Variants in KIAA1549 observed in about 807,000 individuals in gnomAD.
KIAA1549 encodes the protein KIAA1549.
Under a neutral mutation model 156.4 loss-of-function variants are expected in KIAA1549, and 70 were observed. The ratio of observed to expected loss-of-function variants is 0.45; its 90% CI spans 0.37 to 0.55. The LOEUF (loss-of-function observed/expected upper bound fraction) is 0.55, where lower values mean the gene tolerates loss of function less well. Ranked by LOEUF, KIAA1549 falls within the 20% of genes least tolerant of loss-of-function variation. KIAA1549 has a pLI of 0.00. For synonymous variants in KIAA1549, 1,103 were observed against 1,066.4 expected, an observed-to-expected ratio of 1.03 and a Z score of -0.67; for missense variants, 2,428 against 2,540.9, an observed-to-expected ratio of 0.96 and a Z score of 0.96.
chr7:138,928,789 C>G (rs1043735421), intron 1 of KIAA1549, among the ~76,000 whole-genome samples: 1 of 152,174 alleles, frequency 6.6e-6, no homozygotes, highest in African/African-American at 2.4e-5. Context: ...TCTCCTAATG[C>G]TATCCCTCTA....
At chr7:138,870,923 T>C (rs1810910980) in intron 13 of KIAA1549, among the ~76,000 whole-genome samples, 2 of 152,140 alleles carry the variant, frequency 1.3e-5, no homozygotes, top group Admixed American at 1.3e-4. Flanking sequence ...GTTCAAGTGA[T>C]TCTCCTGCCT....
chr7:138,854,938 C>A (rs1195573753), intron 16 of KIAA1549, among the ~76,000 whole-genome samples: 1 of 152,122 alleles, frequency 6.6e-6, no homozygotes, highest in African/African-American at 2.4e-5. Context: ...AGGAAAGGAG[C>A]AGAATCACGC....
At chr7:138,867,828 G>T in intron 15 of KIAA1549, 147 bp downstream of exon 15, 1 of 842,778 alleles carries the variant, frequency 1.2e-6, no homozygotes, top group Non-Finnish European at 1.8e-6. Context: ...TCATGACCTA[G>T]AGGGCCCTGG....
chr7:138,930,767 T>C (rs934183574), intron 1 of KIAA1549, among the ~76,000 whole-genome samples: 1 of 152,246 alleles, frequency 6.6e-6, no homozygotes, highest in Non-Finnish European at 1.5e-5. Flanking sequence ...AACAAGGCTG[T>C]TTTGCTTTCT....
chr7:138,932,965 G>A (rs1057068623), intron 1 of KIAA1549, among the ~76,000 whole-genome samples: 1 of 152,214 alleles, frequency 6.6e-6, no homozygotes, highest in Non-Finnish European at 1.5e-5. Flanking sequence ...GGAGACATGG[G>A]AAAACCAGGA....
At chr7:138,888,124 A>G (rs1489028301) in intron 10 of KIAA1549, among the ~76,000 whole-genome samples, 1 of 152,202 alleles carries the variant, frequency 6.6e-6, no homozygotes, top group Non-Finnish European at 1.5e-5. Context: ...GCCACAATGC[A>G]TATGCTTTCC....
In KIAA1549 at chr7:138,918,801, C is replaced by G; in HGVS notation, c.825G>C (p.Glu275Asp). 1 of 1,613,968 alleles carries G rather than the reference C, an allele frequency of 6.2e-7. No individual in the cohort carries two copies. Among genetic ancestry groups the G allele is most frequent in the Non-Finnish European group, 8.5e-7 (1 of 1,179,894 alleles). ...TLPEIVASLTEGVETTLFLSS... is the reference protein window; with the variant it reads ...TLPEIVASLTDGVETTLFLSS... ...TTAAAAAAAGGGTGGTTTCCACACC[C>G]TCTGTTAGGGAAGCCACAATCTCTG... The change falls in exon 2 of 20, where the codon GAG becomes GAC. Residue 275 changes from glutamate to aspartate, a missense_variant. Glu to Asp is a conservative substitution (Grantham distance 45). Around this residue, in one of 5 missense-constraint regions of KIAA1549, gnomAD observed 893 missense variants for 847.9 expected, o/e 1.05. Transcript: ENST00000422774. The surrounding 1 kb of genome is among the most constrained non-coding windows in gnomAD (Gnocchi z 4.2).
intron 16 of KIAA1549, among the ~76,000 whole-genome samples, chr7:138,853,621 C>T (rs574077823): frequency 2.6e-5 from 4 of 152,270 alleles, no homozygotes; most frequent in South Asian, 4.1e-4. Context: ...AAATATGAAA[C>T]CGTGGTCAGA....
Position 138,837,123 on chromosome 7 carries a change from T to C in KIAA1549, c.*783A>G. On this transcript the variant is annotated 3_prime_UTR_variant, in exon 20 of 20. Transcript: ENST00000422774. ...CAATGAAGAATGTAGATCTAAACTT[T>C]GATCTGTATTTTGGATAATCAAATA... is the stretch of plus-strand genomic sequence containing the variant. The C allele has an allele frequency of 4.4e-6, 1 of 227,450 alleles. No homozygotes were observed. 14.1% of individuals were successfully genotyped at this position (227,450 alleles called of 1,614,324 possible). A position where few individuals can be genotyped will look rare whatever the true frequency, so the allele number is the denominator to read the frequency against.
chr7:138,932,768 C>T (rs1057470622), intron 1 of KIAA1549, among the ~76,000 whole-genome samples: 1 of 152,124 alleles, frequency 6.6e-6, no homozygotes, highest in Non-Finnish European at 1.5e-5. Flanking sequence ...GCATCTCAGG[C>T]CCACTCAAGA....
chr7:138,872,661 T>C (rs559315771), intron 12 of KIAA1549, among the ~76,000 whole-genome samples: 37 of 152,310 alleles, frequency 2.4e-4, no homozygotes, highest in African/African-American at 8.4e-4. Context: ...TCCCAGCACT[T>C]TGAGAGGCTG....
chr7:138,834,659 G>A lies in KIAA1549; in HGVS notation c.*3247C>T, dbSNP rs953240072. 2 of 232,318 alleles carry A rather than the reference G, an allele frequency of 8.6e-6. No homozygotes were observed. The highest frequency in any genetic ancestry group is 4.4e-5 in the African/African-American group (2 of 45,280). The allele number at this position is 232,318 out of a possible 1,614,324, so 14.4% of individuals were successfully genotyped here. A position where few individuals can be genotyped will look rare whatever the true frequency, so the allele number is the denominator to read the frequency against. ...AATTGGTGAAGGAAGTGAAATTAAAGCAAAATGGGAGTGAGGAAACTGAGT... is the reference window on the plus strand; with the variant it reads ...AATTGGTGAAGGAAGTGAAATTAAAACAAAATGGGAGTGAGGAAACTGAGT... On this transcript the variant is annotated 3_prime_UTR_variant, in exon 20 of 20. Coordinates refer to ENST00000422774, the MANE Select transcript of KIAA1549 (RefSeq NM_001164665.2).
intron 12 of KIAA1549, among the ~76,000 whole-genome samples, chr7:138,872,051 C>T (rs56727516): frequency 0.021 from 3,257 of 152,194 alleles, 104 homozygotes; most frequent in African/African-American, 0.072. Context: ...AGTGATTCTC[C>T]TGCCTCAGCC....
chr7:138,898,118 C>A (rs1811740099), intron 9 of KIAA1549, among the ~76,000 whole-genome samples: 1 of 151,256 alleles, frequency 6.6e-6, no homozygotes, highest in Admixed American at 6.6e-5. Flanking sequence ...ACCATCCGGG[C>A]CAACATGGTG....
intron 10 of KIAA1549, among the ~76,000 whole-genome samples, chr7:138,888,982 T>C (rs4728455): frequency 1 from 152,241 of 152,340 alleles, 76,071 homozygotes; most frequent in Middle Eastern, 1. Flanking sequence ...CCAGCAGCAC[T>C]TCATTTAACT....
intron 12 of KIAA1549, among the ~76,000 whole-genome samples, chr7:138,873,773 A>G (rs1325406734): frequency 6.6e-6 from 1 of 151,566 alleles, no homozygotes; most frequent in Non-Finnish European, 1.5e-5. Flanking sequence ...CAACCAGAGG[A>G]GGGGATGCAC....
At chr7:138,881,060 T>A (rs1296627676) in intron 11 of KIAA1549, among the ~76,000 whole-genome samples, 2 of 152,212 alleles carry the variant, frequency 1.3e-5, no homozygotes, top group African/African-American at 4.8e-5. Context: ...ATTATCTCCA[T>A]GAGGCCTAGC....
chr7:138,926,030 C>G (rs893170121), intron 1 of KIAA1549, among the ~76,000 whole-genome samples: 2 of 152,098 alleles, frequency 1.3e-5, no homozygotes, highest in African/African-American at 4.8e-5. Context: ...TGAGGGCTGG[C>G]CTGGGAGGCC....
At chr7:138,864,742 G>A (rs1810684089) in intron 15 of KIAA1549, among the ~76,000 whole-genome samples, 1 of 152,152 alleles carries the variant, frequency 6.6e-6, no homozygotes, top group African/African-American at 2.4e-5. Flanking sequence ...ATTATTAATA[G>A]AACACCCCCT....
Sources: gnomAD v4.1 joint callset for allele counts (sites outside exome capture counted in the v4.1 genomes callset) on GRCh38, gnomAD v4.1.1 for gene constraint, gnomAD v4.1.1 regional missense constraint, Gnocchi (gnomAD v3.1) non-coding constraint, MANE v1.5 for transcripts, NCBI Gene and HGNC (gene_info 2026-07-23, HGNC 2026-07-21) for gene names.